ARHGEF19: variants seen among roughly 807,000 people sequenced by gnomAD.
ARHGEF19 encodes Rho guanine nucleotide exchange factor (GEF) 19.
Under a neutral mutation model 87.6 loss-of-function variants are expected in ARHGEF19, and 92 were observed. That is an observed-to-expected ratio of 1.05 (90% confidence interval 0.89 to 1.25). The LOEUF is 1.25. Ranked by LOEUF, ARHGEF19 falls within the 50% of genes most tolerant of loss-of-function variation. ARHGEF19 has a pLI of 0.00. For synonymous variants in ARHGEF19, 438 were observed against 446.2 expected (o/e 0.98, Z 0.23); for missense variants, 1,054 against 1,051.8 (o/e 1.00, Z -0.03).
Position 16,205,476 on chromosome 1 carries a change from G to C in ARHGEF19, c.1582-51C>G, listed in dbSNP as rs374993630. 1.2e-6 allele frequency: 2 copies of C among 1,612,370 alleles called. No individual in the cohort carries two copies. Among genetic ancestry groups the C allele is most frequent in the Admixed American group, 1.7e-5 (1 of 59,278 alleles). ...GGCAGTCCTCATACTCCCGAGACCC[G>C]GCCCGCCCACAGGTGTATCTCCCTC... On this transcript the variant is annotated intron_variant, in intron 9 of 15. Coordinates refer to ENST00000270747, the MANE Select transcript of ARHGEF19 (RefSeq NM_153213.5). This position sits in a 1 kb window ranked among gnomAD's most constrained non-coding sequence, Gnocchi z 5.8.
At chr1:16,209,650 A>G (rs1480804643) in intron 1 of ARHGEF19, among the ~76,000 whole-genome samples, 1 of 152,194 alleles carries the variant, frequency 6.6e-6, no homozygotes, top group Non-Finnish European at 1.5e-5. Context: ...ACATTCACAG[A>G]CAACTCCTCA....
rs2081131855 is a variant in ARHGEF19 at position 16,206,154 on chromosome 1, C to T, written c.1298+26G>A. Reference sequence around the variant, plus strand: ...CCAACCACTGGCTCCGTCCCCACCCCGGGCCAGGCCAGACCACTTCTTCAC... The same window carrying T: ...CCAACCACTGGCTCCGTCCCCACCCTGGGCCAGGCCAGACCACTTCTTCAC... On this transcript the variant is annotated intron_variant, in intron 7 of 15. Coordinates refer to ENST00000270747, the MANE Select transcript of ARHGEF19 (RefSeq NM_153213.5). This position sits in a 1 kb window ranked among gnomAD's most constrained non-coding sequence, Gnocchi z 4.6. 6.3e-7 allele frequency: 1 copy of T among 1,586,836 alleles called. No individual in the cohort carries two copies. Among genetic ancestry groups the T allele is most frequent in the Non-Finnish European group, 8.6e-7 (1 of 1,164,832 alleles).
intron 13 of ARHGEF19, among the ~76,000 whole-genome samples, chr1:16,202,097 C>T (rs1347580533): frequency 6.6e-6 from 1 of 152,098 alleles, no homozygotes; most frequent in African/African-American, 2.4e-5. Context: ...CAGCCCTACC[C>T]CCATCCTGCC....
At position 16,201,804 on chromosome 1, in the gene ARHGEF19, C is replaced by G; in HGVS notation, c.2124G>C (p.Lys708Asn). The change falls in exon 14 of 16, where the codon AAG (lysine) becomes AAC (asparagine). Residue 708 changes from lysine to asparagine, a missense_variant. By Grantham distance (94) the Lys-to-Asn change is moderately conservative. Transcript: ENST00000270747. ...TACCTTCCCCCTCACTGATGACCTC[C>G]TTGTCCTCCTGGGGGCTGGAGGGGC... The part of the protein sequence containing the change: ...ALCPSSPQED[K>N]EVISEGEDCP... The G allele has an allele frequency of 6.2e-7, 1 of 1,613,876 alleles. No individual in the cohort carries two copies. Among genetic ancestry groups the G allele is most frequent in the Non-Finnish European group, 8.5e-7 (1 of 1,179,840 alleles).
rs2100288871 is a variant in ARHGEF19 at position 16,208,178 on chromosome 1, C to T, written c.460G>A (p.Glu154Lys). The change falls in exon 3 of 16, where the codon GAG (glutamate) becomes AAG (lysine). Residue 154 changes from glutamate to lysine, a missense_variant. Transcript: ENST00000270747. ...GGCTCTAGGAAGACAGCGTGGGCCT[C>T]GGGGCAGCCGGGGACCTCTTCACGC... Reference protein sequence around the residue: ...YQREEVPGCPEAHAVFLEPGQ... With the variant: ...YQREEVPGCPKAHAVFLEPGQ... 2.5e-6 allele frequency: 4 copies of T among 1,613,262 alleles called. No individual in the cohort carries two copies. Among genetic ancestry groups the T allele is most frequent in the Middle Eastern group, 3.3e-4 (2 of 6,054 alleles).
At chr1:16,200,298 C>A (rs2081072898) in intron 14 of ARHGEF19, among the ~76,000 whole-genome samples, 1 of 152,226 alleles carries the variant, frequency 6.6e-6, no homozygotes, top group Admixed American at 6.5e-5. Flanking sequence ...AAAATGTCTA[C>A]CTAGTAGGGT....
chr1:16,206,442 G>T lies in ARHGEF19; in HGVS notation c.1138-102C>A. On this transcript the variant is annotated intron_variant, in intron 6 of 15. Transcript: ENST00000270747. The surrounding 1 kb of genome is among the most constrained non-coding windows in gnomAD (Gnocchi z 4.6). The stretch of plus-strand genomic sequence containing the variant: ...CCAGGACGCCACACCTCGCGTCCTC[G>T]CCCCTTCTCTAGCCCCACTCCTAAT... 1 of 1,331,676 alleles carries T rather than the reference G, an allele frequency of 7.5e-7. No individual in the cohort carries two copies. Among genetic ancestry groups the T allele is most frequent in the Non-Finnish European group, 1.1e-6 (1 of 950,314 alleles). The allele number at this position is 1,331,676 out of a possible 1,614,324, so 82.5% of individuals were successfully genotyped here.
chr1:16,203,204 G>A (rs530537086), intron 12 of ARHGEF19, among the ~76,000 whole-genome samples: 10 of 151,690 alleles, frequency 6.6e-5, no homozygotes, highest in Non-Finnish European at 1.2e-4. Flanking sequence ...TTCCACAGAC[G>A]TCAACTCATT....
rs1557538624 is a variant in ARHGEF19 at position 16,202,489 on chromosome 1, CG to C, written c.1992del (p.Gly665AlafsTer14). The C allele has an allele frequency of 6.2e-7, 1 of 1,614,164 alleles. No individual in the cohort carries two copies. Among genetic ancestry groups the C allele is most frequent in the Admixed American group, 1.7e-5 (1 of 60,024 alleles). Reference sequence around the variant, plus strand: ...AGGAGCTGGAGGAGGAACACGTGGCCGGGGATGCCCTGCAGCTTCAGGCTCA... The same window carrying C: ...AGGAGCTGGAGGAGGAACACGTGGCCGGGATGCCCTGCAGCTTCAGGCTCA... Reference protein sequence around the residue: ...RDLSLKLQGIPGHVFLLQLLH... With the variant: ...RDLSLKLQGIXGHVFLLQLLH... On this transcript the variant is annotated frameshift_variant, in exon 13 of 16. Transcript: ENST00000270747. LOFTEE classifies it high-confidence loss of function.
chr1:16,205,180 G>C lies in ARHGEF19; in HGVS notation c.1657-4C>G. 2 of 1,592,690 alleles carry C rather than the reference G, an allele frequency of 1.3e-6. No individual in the cohort carries two copies. Among genetic ancestry groups the C allele is most frequent in the Non-Finnish European group, 8.6e-7 (1 of 1,169,586 alleles). ...TAGCATTGCACTCCTGCACCAGCTG[G>C]GGGAGCCGTGGGGAGGTCACCTGCA... On this transcript the variant is annotated splice_region_variant and splice_polypyrimidine_tract_variant and intron_variant, in intron 10 of 15. Coordinates refer to ENST00000270747, the MANE Select transcript of ARHGEF19 (RefSeq NM_153213.5). This position sits in a 1 kb window ranked among gnomAD's most constrained non-coding sequence, Gnocchi z 5.8.
Position 16,211,280 on chromosome 1 carries a change from G to A in ARHGEF19, c.-30+1222C>T, listed in dbSNP as rs553782246. 1.3e-4 allele frequency among the ~76,000 whole-genome samples: 18 copies of A among 141,188 alleles called. 1 individual carries two copies. In the South Asian group the frequency reaches 1.9e-3, roughly 15 times the overall value. The allele number at this position is 141,188 out of a possible 152,430, so 92.6% of individuals were successfully genotyped here. On this transcript the variant is annotated intron_variant, in intron 1 of 15. Coordinates refer to ENST00000270747, the MANE Select transcript of ARHGEF19 (RefSeq NM_153213.5). ...CACAAGGAGGCCCCTGCCCACAGAC[G>A]GGTCTCTTTCTCTGCAGGAATCAGA...
chr1:16,210,861 G>A (rs913741910), intron 1 of ARHGEF19, among the ~76,000 whole-genome samples: 10 of 152,156 alleles, frequency 6.6e-5, no homozygotes, highest in African/African-American at 2.4e-4. Context: ...CAGTGACAGT[G>A]TCAGTCACTA....
At position 16,204,804 on chromosome 1, in the gene ARHGEF19, T is replaced by C. The variant is rs143878152; in HGVS notation, c.1862A>G (p.Tyr621Cys). 1,430 of 1,612,420 alleles carry C rather than the reference T, an allele frequency of 8.9e-4. 1 individual carries two copies. Among genetic ancestry groups the C allele is most frequent in the Non-Finnish European group, 1.1e-3 (1,352 of 1,179,238 alleles). ...CAAGCAGTCATTGAAGAGGTGGAGG[T>C]AGACTGCCTTGCTGGACAGCTTCAG... ...AKLKLSSKAV[Y>C]LHLFNDCLLL... Residue 621 changes from tyrosine (Y) to cysteine (C), a missense_variant, in exon 12 of 16, where the codon TAC becomes TGC. Transcript: ENST00000270747.
rs1400124155 is a variant in ARHGEF19, at chr1:16,208,924, C to G, written c.131G>C (p.Ser44Thr). The G allele has an allele frequency of 6.3e-7, 1 of 1,586,620 alleles. No homozygotes were observed. The highest frequency in any genetic ancestry group is 8.6e-7 in the Non-Finnish European group (1 of 1,167,810). Residue 44 changes from serine to threonine, a missense_variant, in exon 2 of 16, where the codon AGC (serine) becomes ACC (threonine). Transcript: ENST00000270747. Reference protein sequence around the residue: ...FAELPALKPPSPVCLDLFPVA... With the variant: ...FAELPALKPPTPVCLDLFPVA... ...AGGGAAAAGGTCCAGACACACTGGGCTCGGGGGCTTCAGGGCGGGCAGCTC... is the reference window on the plus strand; with the variant it reads ...AGGGAAAAGGTCCAGACACACTGGGGTCGGGGGCTTCAGGGCGGGCAGCTC...
intron 1 of ARHGEF19, among the ~76,000 whole-genome samples, chr1:16,209,899 G>A (rs891075404): frequency 6.6e-6 from 1 of 152,254 alleles, no homozygotes; most frequent in Non-Finnish European, 1.5e-5. Flanking sequence ...GATCAGGCAG[G>A]GGCCTTCTCG....
Position 16,206,128 on chromosome 1 carries a change from G to T in ARHGEF19, c.1299-45C>A. The T allele has an allele frequency of 1.9e-6, 3 of 1,575,902 alleles. No individual in the cohort carries two copies. The highest frequency in any genetic ancestry group is 1.7e-6 in the Non-Finnish European group (2 of 1,159,332). On this transcript the variant is annotated intron_variant, in intron 7 of 15. Transcript: ENST00000270747. The surrounding 1 kb of genome is among the most constrained non-coding windows in gnomAD (Gnocchi z 4.6). ...ATGGAGACCCCAGATCTGGGAGCTGGCCAACCACTGGCTCCGTCCCCACCC... is the reference window on the plus strand; with the variant it reads ...ATGGAGACCCCAGATCTGGGAGCTGTCCAACCACTGGCTCCGTCCCCACCC...
chr1:16,202,875 TTTTTG>T (rs201420134), intron 12 of ARHGEF19, among the ~76,000 whole-genome samples: 12,146 of 152,100 alleles, frequency 0.08, 665 homozygotes, highest in Non-Finnish European at 0.12. Context: ...GTTTTTTGGC[TTTTTG>T]TTTTGTTTTG....
chr1:16,210,031 C>T (rs1224434979), intron 1 of ARHGEF19, among the ~76,000 whole-genome samples: 1 of 152,242 alleles, frequency 6.6e-6, no homozygotes, highest in African/African-American at 2.4e-5. Context: ...GAAGTTATCC[C>T]TGGGGAGCCA....
chr1:16,207,648 G>C lies in ARHGEF19; in HGVS notation c.797+27C>G. ...CCTAGTTCGCCTGCACCCTGTCTCGGACCCAAGCCCAAACGGGAGGTGGTA... is the reference window on the plus strand; with the variant it reads ...CCTAGTTCGCCTGCACCCTGTCTCGCACCCAAGCCCAAACGGGAGGTGGTA... On this transcript the variant is annotated intron_variant, in intron 4 of 15. Transcript: ENST00000270747. The surrounding 1 kb of genome is among the most constrained non-coding windows in gnomAD (Gnocchi z 4.0). 6.2e-7 allele frequency: 1 copy of C among 1,614,048 alleles called. No individual in the cohort carries two copies. Among genetic ancestry groups the C allele is most frequent in the Non-Finnish European group, 8.5e-7 (1 of 1,179,990 alleles).
Sources: gnomAD v4.1 joint callset for allele counts (sites outside exome capture counted in the v4.1 genomes callset) on GRCh38, gnomAD v4.1.1 for gene constraint, Gnocchi (gnomAD v3.1) non-coding constraint, MANE v1.5 for transcripts, NCBI Gene and HGNC (gene_info 2026-07-23, HGNC 2026-07-21) for gene names.